Variants in CADM2 observed in about 807,000 individuals in gnomAD.
The protein encoded by CADM2 is immunoglobulin superfamily member 4D.
Under a neutral mutation model 49.8 loss-of-function variants are expected in CADM2, and 12 were observed. The ratio of observed to expected loss-of-function variants is 0.24; its 90% confidence interval spans 0.15 to 0.39. The LOEUF (loss-of-function observed/expected upper bound fraction) is 0.39, where lower values mean the gene tolerates loss of function less well. CADM2 is among the 10% of genes least tolerant of loss of function. The pLI, the probability that CADM2 is intolerant of heterozygous loss-of-function variation, is 1.00. For missense variants in CADM2, 378 were observed against 492.3 expected (o/e 0.77, Z 2.20); for synonymous variants, 214 against 175.4 (o/e 1.22, Z -1.74).
chr3:85,165,760 C>A (rs2107675614), intron 1 of CADM2, among the ~76,000 whole-genome samples: 1 of 151,828 alleles, frequency 6.6e-6, no homozygotes, highest in South Asian at 2.1e-4. Flanking sequence ...AAATTGATAA[C>A]TATTTTTCTC....
intron 1 of CADM2, among the ~76,000 whole-genome samples, chr3:85,031,676 G>T (rs544206186): frequency 6.6e-6 from 1 of 151,940 alleles, no homozygotes; most frequent in African/African-American, 2.4e-5. Flanking sequence ...CACCACGCCC[G>T]GCTAATTTTT....
chr3:85,754,816 A>G (rs1004970271), intron 2 of CADM2, among the ~76,000 whole-genome samples: 4 of 152,230 alleles, frequency 2.6e-5, no homozygotes, highest in Admixed American at 2.6e-4. Flanking sequence ...CATTTTAACA[A>G]AAAAACAAAC....
intron 1 of CADM2, 64 bp from the exon 2 acceptor site, chr3:85,726,458 T>C (rs777303210): frequency 6.4e-7 from 1 of 1,568,692 alleles, no homozygotes. Context: ...GCTTTCTTAC[T>C]AGAGAATCTG....
intron 2 of CADM2, among the ~76,000 whole-genome samples, chr3:85,765,949 A>C (rs1477523550): frequency 6.6e-6 from 1 of 152,110 alleles, no homozygotes; most frequent in Non-Finnish European, 1.5e-5. Flanking sequence ...ATGAATGTTG[A>C]ATAAATGCCC....
chr3:85,514,119 T>G (rs546965431), intron 1 of CADM2, among the ~76,000 whole-genome samples: 6 of 152,120 alleles, frequency 3.9e-5, no homozygotes, highest in Non-Finnish European at 7.4e-5. Flanking sequence ...TTTTTTCAAT[T>G]AGCAATTTTT....
intron 1 of CADM2, among the ~76,000 whole-genome samples, chr3:85,447,235 C>A (rs1048619477): frequency 1.1e-4 from 16 of 151,488 alleles, no homozygotes; most frequent in African/African-American, 3.6e-4. Flanking sequence ...ATCCTAGAAA[C>A]TGTTGGGTGA....
chr3:85,071,128 C>T (rs951358406), intron 1 of CADM2, among the ~76,000 whole-genome samples: 3 of 151,476 alleles, frequency 2.0e-5, no homozygotes, highest in Admixed American at 1.3e-4. Context: ...TAAAATACTT[C>T]GTAAAAGCTT....
At chr3:85,679,323 A>G (rs1348790017) in intron 1 of CADM2, among the ~76,000 whole-genome samples, 1 of 152,096 alleles carries the variant, frequency 6.6e-6, no homozygotes, top group African/African-American at 2.4e-5. Context: ...AAAACATCAC[A>G]CATTTGGAGA....
chr3:85,386,831 G>T (rs1448495927), intron 1 of CADM2, among the ~76,000 whole-genome samples: 1 of 152,168 alleles, frequency 6.6e-6, no homozygotes, highest in Non-Finnish European at 1.5e-5. Context: ...AGAAAACACA[G>T]AAAAGCCCAG....
At chr3:84,990,620 AT>A (rs1401978672) in intron 1 of CADM2, among the ~76,000 whole-genome samples, 4 of 152,194 alleles carry the variant, frequency 2.6e-5, no homozygotes, top group Non-Finnish European at 5.9e-5. Flanking sequence ...CTAAATTAAA[AT>A]ACATTTTTAT....
intron 1 of CADM2, among the ~76,000 whole-genome samples, chr3:85,271,262 C>G (rs1638855980): frequency 6.6e-6 from 1 of 151,196 alleles, no homozygotes. Flanking sequence ...CTTATGTTTG[C>G]TCTTATATTA....
At chr3:85,982,962 G>T (rs1021630311) in intron 8 of CADM2, among the ~76,000 whole-genome samples, 1 of 151,442 alleles carries the variant, frequency 6.6e-6, no homozygotes, top group Non-Finnish European at 1.5e-5. Context: ...GGTTTAAATT[G>T]TATTTCTTCA....
chr3:85,085,396 T>C (rs1442639568), intron 1 of CADM2, among the ~76,000 whole-genome samples: 1 of 152,058 alleles, frequency 6.6e-6, no homozygotes, highest in Non-Finnish European at 1.5e-5. Context: ...TATTTTTTTC[T>C]TTTTTAAAGT....
intron 7 of CADM2, among the ~76,000 whole-genome samples, chr3:85,947,172 G>A (rs1344846800): frequency 6.6e-6 from 1 of 151,922 alleles, no homozygotes; most frequent in East Asian, 1.9e-4. Flanking sequence ...AGACATTTAT[G>A]CAGCCAAAAG....
intron 3 of CADM2, among the ~76,000 whole-genome samples, chr3:85,869,979 G>A (rs1422209620): frequency 6.6e-6 from 1 of 152,150 alleles, no homozygotes; most frequent in African/African-American, 2.4e-5. Flanking sequence ...CTAGATTTTA[G>A]TTGTGAGTTC....
At chr3:85,256,476 C>G (rs957464554) in intron 1 of CADM2, among the ~76,000 whole-genome samples, 2 of 152,074 alleles carry the variant, frequency 1.3e-5, no homozygotes, top group African/African-American at 4.8e-5. Context: ...AGAGCTACAA[C>G]TCTGAGGCCA....
chr3:85,656,291 T>C (rs932960434), intron 1 of CADM2, among the ~76,000 whole-genome samples: 1 of 152,136 alleles, frequency 6.6e-6, no homozygotes, highest in Non-Finnish European at 1.5e-5. Flanking sequence ...TAGAAATTAT[T>C]ATAGCTTATT....
intron 1 of CADM2, among the ~76,000 whole-genome samples, chr3:85,312,734 A>G (rs1238073442): frequency 6.6e-6 from 1 of 152,192 alleles, no homozygotes; most frequent in Non-Finnish European, 1.5e-5. Flanking sequence ...TCAAATATCA[A>G]TGGGGAATAA....
intron 8 of CADM2, among the ~76,000 whole-genome samples, chr3:86,041,460 C>A (rs140812246): frequency 6.6e-6 from 1 of 151,980 alleles, no homozygotes; most frequent in African/African-American, 2.4e-5. Context: ...GACTTTAAAC[C>A]GACAAAGATC....
Sources: allele counts gnomAD v4.1 joint callset (sites outside exome capture counted in the v4.1 genomes callset), GRCh38; gene constraint gnomAD v4.1.1; transcripts MANE v1.5; gene names NCBI Gene and HGNC (gene_info 2026-07-23, HGNC 2026-07-21).